The following MYO16 variants were observed in gnomAD, a reference collection of about 807,000 sequenced individuals.
The protein encoded by MYO16 is myosin XVI.
MYO16 carries 94 observed loss-of-function variants against 205.3 expected under a neutral mutation model. The ratio of observed to expected loss-of-function variants is 0.46; its 90% CI spans 0.39 to 0.54. The LOEUF is 0.54. Ranked by LOEUF, MYO16 falls within the 20% of genes least tolerant of loss-of-function variation. MYO16 has a pLI of 0.00. For synonymous variants in MYO16, 988 were observed against 954.0 expected, an observed-to-expected ratio of 1.04 and a Z score of -0.66; for missense variants, 2,315 against 2,387.5, an observed-to-expected ratio of 0.97 and a Z score of 0.63.
At chr13:108,542,937 T>C in the MYO16 span, among the ~76,000 whole-genome samples, 8 of 151,964 alleles carry the variant, frequency 5.3e-5, no homozygotes, top group South Asian at 1.5e-3. Flanking sequence ...TTTATTATTA[T>C]GCTACACAGT....
chr13:108,587,200 C>A, the MYO16 span, among the ~76,000 whole-genome samples: 10 of 152,292 alleles, frequency 6.6e-5, no homozygotes, highest in African/African-American at 2.2e-4. Context: ...CAACAGGAAG[C>A]AAGTGGTCAG....
chr13:108,991,170 G>A (rs918895768), intron 20 of MYO16, among the ~76,000 whole-genome samples: 1 of 152,156 alleles, frequency 6.6e-6, no homozygotes, highest in Admixed American at 6.5e-5. Flanking sequence ...CTTGCAAGAA[G>A]CAAGTTCATG....
intron 23 of MYO16, among the ~76,000 whole-genome samples, chr13:109,040,373 C>CAGAGAGAGAG (rs1594493862): frequency 1.2e-5 from 1 of 80,746 alleles, no homozygotes; most frequent in East Asian, 1.3e-3. Flanking sequence ...CACACACACA[C>CAGAGAGAGAG]ACACACACAC....
chr13:108,782,144 G>A (rs1886323719), intron 4 of MYO16, among the ~76,000 whole-genome samples: 1 of 152,182 alleles, frequency 6.6e-6, no homozygotes, highest in African/African-American at 2.4e-5. Flanking sequence ...AGGAAAATGT[G>A]GGAAAGTTTG....
intron 27 of MYO16, among the ~76,000 whole-genome samples, chr13:109,088,544 A>G (rs1356674244): frequency 6.6e-6 from 1 of 151,696 alleles, no homozygotes; most frequent in Non-Finnish European, 1.5e-5. Flanking sequence ...AGCATAATTC[A>G]GCATTCTTTT....
intron 27 of MYO16, among the ~76,000 whole-genome samples, chr13:109,066,352 G>A (rs997507267): frequency 5.9e-5 from 9 of 152,186 alleles, no homozygotes; most frequent in Non-Finnish European, 1.0e-4. Flanking sequence ...ATTAGCAGAC[G>A]ATAAACTTTC....
chr13:109,104,142 T>C (rs1889053735), intron 28 of MYO16, among the ~76,000 whole-genome samples: 1 of 152,198 alleles, frequency 6.6e-6, no homozygotes. Context: ...GCCACTTTGC[T>C]GAGACCAACG....
intron 34 of MYO16, among the ~76,000 whole-genome samples, chr13:109,195,421 T>C (rs1425537916): frequency 1.3e-5 from 2 of 152,182 alleles, no homozygotes; most frequent in East Asian, 1.9e-4. Flanking sequence ...CTTGGTTCTT[T>C]AGAAGTGTAG....
At chr13:108,537,043 A>G in the MYO16 span, among the ~76,000 whole-genome samples, 1 of 152,108 alleles carries the variant, frequency 6.6e-6, no homozygotes, top group Non-Finnish European at 1.5e-5. Context: ...AAAATGGTGA[A>G]GTTTGGGCTT....
chr13:108,772,097 G>T (rs1885984086), intron 4 of MYO16, among the ~76,000 whole-genome samples: 4 of 152,128 alleles, frequency 2.6e-5, no homozygotes, highest in Admixed American at 2.6e-4. Flanking sequence ...CATGCCTGTA[G>T]TCCAGCACTT....
At chr13:109,008,095 A>G (rs1885459400) in intron 21 of MYO16, among the ~76,000 whole-genome samples, 1 of 152,246 alleles carries the variant, frequency 6.6e-6, no homozygotes, top group Non-Finnish European at 1.5e-5. Flanking sequence ...TTGAATAGTT[A>G]GATGATATGG....
chr13:108,965,463 C>T (rs987476928), intron 20 of MYO16, among the ~76,000 whole-genome samples: 20 of 152,044 alleles, frequency 1.3e-4, no homozygotes, highest in African/African-American at 4.3e-4. Context: ...CGGGAGTGCA[C>T]GGGCACAATC....
chr13:109,157,394 C>T (rs9559510), intron 32 of MYO16, among the ~76,000 whole-genome samples: 17,562 of 152,116 alleles, frequency 0.12, 1,630 homozygotes, highest in East Asian at 0.44. Context: ...GCCAGCCTCC[C>T]CTCCCTCACG....
At chr13:109,088,732 A>G (rs918508948) in intron 27 of MYO16, among the ~76,000 whole-genome samples, 6 of 152,226 alleles carry the variant, frequency 3.9e-5, no homozygotes, top group Non-Finnish European at 8.8e-5. Context: ...GCACCGCCAC[A>G]GGCTGCCCTT....
intron 2 of MYO16, among the ~76,000 whole-genome samples, chr13:108,697,851 T>A (rs1421299449): frequency 6.6e-6 from 1 of 152,074 alleles, no homozygotes; most frequent in Admixed American, 6.5e-5. Flanking sequence ...GCCTCCCCAG[T>A]AGCTGGGGCT....
intron 11 of MYO16, among the ~76,000 whole-genome samples, chr13:108,862,857 T>G (rs1291029889): frequency 2.0e-5 from 3 of 152,216 alleles, no homozygotes; most frequent in African/African-American, 7.2e-5. Context: ...ATTGGCCATC[T>G]TTAATTTCTC....
intron 34 of MYO16, chr13:109,201,628 G>A (rs1880399081): frequency 6.5e-6 from 1 of 152,674 alleles, no homozygotes; most frequent in Non-Finnish European, 1.5e-5. Flanking sequence ...ATAGGTTTTT[G>A]GTGAGCAGGT....
rs777985504 is a variant in MYO16 at position 108,666,075 on chromosome 13, C to T, written c.218C>T (p.Ala73Val). Reference sequence around the variant, plus strand: ...GGGTTCCTGAAAAGGCTGAAGCATGCGAAGAATCCGAAAGTTCACTTCAAC... The same window carrying T: ...GGGTTCCTGAAAAGGCTGAAGCATGTGAAGAATCCGAAAGTTCACTTCAAC... Reference protein sequence around the residue: ...QEGFLKRLKHAKNPKVHFNLT... With the variant: ...QEGFLKRLKHVKNPKVHFNLT... Residue 73 changes from alanine (A) to valine (V), a missense_variant, in exon 2 of 35, where the codon GCG (alanine) becomes GTG (valine). Ala to Val is a moderately conservative substitution (Grantham distance 64). Transcript: ENST00000457511. The T allele has an allele frequency of 9.3e-6, 15 of 1,613,866 alleles. No individual in the cohort carries two copies. The African/African-American group carries it at 9.3e-5, about 10-fold the overall frequency.
At chr13:108,805,939 A>AATAAATAAATAAATAT (rs1386238261) in intron 6 of MYO16, among the ~76,000 whole-genome samples, 2 of 150,382 alleles carry the variant, frequency 1.3e-5, no homozygotes, top group African/African-American at 4.9e-5. Context: ...TAAATAAATA[A>AATAAATAAATAAATAT]ATAAATAAAT....
Sources: allele counts gnomAD v4.1 joint callset (sites outside exome capture counted in the v4.1 genomes callset), GRCh38; gene constraint gnomAD v4.1.1; transcripts MANE v1.5; gene names NCBI Gene and HGNC (gene_info 2026-07-23, HGNC 2026-07-21).